The following TEC variants were observed in gnomAD, a reference collection of about 807,000 sequenced individuals.
TEC encodes the protein tyrosine-protein kinase Tec.
A neutral mutation model predicts 93.0 loss-of-function variants in TEC; 72 were observed. That is an observed-to-expected ratio of 0.77 (90% CI 0.64 to 0.94). The LOEUF (loss-of-function observed/expected upper bound fraction) is 0.94. TEC is among the 40% of genes least tolerant of loss of function. The pLI is 0.00. For missense variants in TEC, 630 were observed against 757.9 expected (o/e 0.83, Z 1.98); for synonymous variants, 249 against 247.7 (o/e 1.01, Z -0.05).
chr4:48,165,332 C>G (rs576080443), intron 7 of TEC, among the ~76,000 whole-genome samples: 1 of 152,296 alleles, frequency 6.6e-6, no homozygotes, highest in East Asian at 1.9e-4. Context: ...TTTAAGAATC[C>G]AAATTTCATC....
At chr4:48,236,894 A>G (rs1468267910) in intron 1 of TEC, among the ~76,000 whole-genome samples, 2 of 152,216 alleles carry the variant, frequency 1.3e-5, no homozygotes, top group African/African-American at 4.8e-5. Context: ...TTTCATCATG[A>G]AAAATTCTGC....
chr4:48,258,142 T>C (rs1724393115), intron 1 of TEC, among the ~76,000 whole-genome samples: 1 of 111,260 alleles, frequency 9.0e-6, no homozygotes, highest in African/African-American at 3.3e-5. Context: ...CATTGTTTTT[T>C]TGGTTTTTTT....
intron 13 of TEC, 31 bp from the exon 14 acceptor site, chr4:48,145,326 T>C (rs754870671): frequency 1.1e-5 from 17 of 1,611,764 alleles, no homozygotes; most frequent in Admixed American, 1.7e-5. Context: ...ATAGTTACTA[T>C]AGGAAAAGAA....
At chr4:48,198,366 A>G (rs1722376258) in intron 2 of TEC, among the ~76,000 whole-genome samples, 1 of 152,236 alleles carries the variant, frequency 6.6e-6, no homozygotes, top group Non-Finnish European at 1.5e-5. Context: ...AACTAGGCAT[A>G]AAACCATCCT....
At chr4:48,197,491 C>A (rs563671359) in intron 2 of TEC, among the ~76,000 whole-genome samples, 1 of 152,234 alleles carries the variant, frequency 6.6e-6, no homozygotes, top group East Asian at 1.9e-4. Context: ...TTAAAAAAAA[C>A]AGCACATGCA....
chr4:48,268,748 G>C (rs1724704997), intron 1 of TEC, among the ~76,000 whole-genome samples: 1 of 152,192 alleles, frequency 6.6e-6, no homozygotes, highest in Admixed American at 6.5e-5. Flanking sequence ...AGCATTCACT[G>C]GAAAAATACA....
At chr4:48,239,796 T>C (rs1354156833) in intron 1 of TEC, among the ~76,000 whole-genome samples, 1 of 152,022 alleles carries the variant, frequency 6.6e-6, no homozygotes, top group East Asian at 1.9e-4. Flanking sequence ...AAGAGAGAGA[T>C]TCAGGAGGGT....
intron 2 of TEC, among the ~76,000 whole-genome samples, chr4:48,203,820 C>T (rs1295952513): frequency 1.3e-5 from 2 of 152,182 alleles, no homozygotes; most frequent in Non-Finnish European, 2.9e-5. Context: ...TTTGAAAGAA[C>T]AGCCACTTTG....
At chr4:48,266,137 G>C (rs1021120821) in intron 1 of TEC, among the ~76,000 whole-genome samples, 3 of 152,208 alleles carry the variant, frequency 2.0e-5, no homozygotes, top group Admixed American at 2.0e-4. Context: ...TCAATTGTCA[G>C]TTGAAAACAC....
chr4:48,143,977 G>A (rs1719791815), intron 14 of TEC, among the ~76,000 whole-genome samples: 1 of 152,142 alleles, frequency 6.6e-6, no homozygotes, highest in Non-Finnish European at 1.5e-5. Context: ...TGTAATCCTA[G>A]CACTTGGGAG....
intron 14 of TEC, among the ~76,000 whole-genome samples, chr4:48,143,613 A>G (rs920109419): frequency 2.6e-5 from 4 of 152,212 alleles, no homozygotes; most frequent in Non-Finnish European, 5.9e-5. Context: ...AATATAAGAT[A>G]AGGTAAGTAT....
intron 2 of TEC, among the ~76,000 whole-genome samples, chr4:48,185,527 T>C (rs1472915906): frequency 1.3e-5 from 2 of 152,222 alleles, no homozygotes; most frequent in Non-Finnish European, 2.9e-5. Flanking sequence ...GGCATTCCAT[T>C]ACTTGGTATC....
chr4:48,250,818 T>C (rs1724179966), intron 1 of TEC, among the ~76,000 whole-genome samples: 1 of 152,138 alleles, frequency 6.6e-6, no homozygotes, highest in Non-Finnish European at 1.5e-5. Flanking sequence ...CCAGTTAAGA[T>C]CAACCAAGCC....
Position 48,139,065 on chromosome 4 carries a change from T to C in TEC, c.1536-43A>G. The C allele has an allele frequency of 2.0e-6, 3 of 1,492,542 alleles. No homozygotes were observed. The South Asian group carries it at 3.5e-5, about 17-fold the overall frequency. The allele number at this position is 1,492,542 out of a possible 1,614,324, so 92.5% of individuals were successfully genotyped here. ...ATGGGTTTACACCTCTGAAGAACAA[T>C]CTGTTTTTTCTACTTGCTCTTTCAT... On this transcript the variant is annotated intron_variant, in intron 15 of 17. Transcript: ENST00000381501.
chr4:48,267,197 T>A (rs1248981335), intron 1 of TEC, among the ~76,000 whole-genome samples: 2 of 152,266 alleles, frequency 1.3e-5, no homozygotes, highest in Non-Finnish European at 2.9e-5. Context: ...TTGTTTGCTT[T>A]TTCTTTGTTT....
At chr4:48,150,723 C>T (rs949168002) in intron 10 of TEC, 140 bp downstream of exon 10, 1 of 562,378 alleles carries the variant, frequency 1.8e-6, no homozygotes, top group Non-Finnish European at 3.0e-6. Context: ...ACAGTATATA[C>T]ACTTTAGAAA....
At chr4:48,211,440 T>C (rs1054755445) in intron 2 of TEC, among the ~76,000 whole-genome samples, 60 of 152,232 alleles carry the variant, frequency 3.9e-4, no homozygotes, top group African/African-American at 1.3e-3. Flanking sequence ...TATCTGATCA[T>C]TAGCATCAAG....
intron 11 of TEC, 118 bp from the exon 12 acceptor site, chr4:48,146,517 T>C: frequency 2.3e-6 from 2 of 863,374 alleles, no homozygotes; most frequent in Non-Finnish European, 3.8e-6. Context: ...TCATCCTCTG[T>C]GTGTACATAC....
chr4:48,142,708 G>T (rs2109504403), intron 14 of TEC, among the ~76,000 whole-genome samples: 1 of 152,040 alleles, frequency 6.6e-6, no homozygotes, highest in South Asian at 2.1e-4. Flanking sequence ...TTGAAACTGA[G>T]TCTCGCTCTG....
Sources: gnomAD v4.1 joint callset for allele counts (sites outside exome capture counted in the v4.1 genomes callset) on GRCh38, gnomAD v4.1.1 for gene constraint, MANE v1.5 for transcripts, NCBI Gene and HGNC (gene_info 2026-07-23, HGNC 2026-07-21) for gene names.